The following ATP6V0D1 variants were observed in gnomAD, a reference collection of about 807,000 sequenced individuals.
ATP6V0D1 encodes the protein ATPase H+ transporting V0 subunit d1.
Under a neutral mutation model 39.0 loss-of-function variants are expected in ATP6V0D1, and 13 were observed. The observed-to-expected ratio is 0.33, with a 90% CI of 0.22 to 0.53. The LOEUF (loss-of-function observed/expected upper bound fraction) is 0.53. Ranked by LOEUF, ATP6V0D1 falls within the 20% of genes least tolerant of loss-of-function variation. The pLI is 0.94. For missense variants in ATP6V0D1, 272 were observed against 470.9 expected, an observed-to-expected ratio of 0.58 and a Z score of 3.91; for synonymous variants, 191 against 191.2, an observed-to-expected ratio of 1.00 and a Z score of 0.01.
At chr16:67,452,793 C>T (rs1465310472) in intron 2 of ATP6V0D1, among the ~76,000 whole-genome samples, 7 of 152,228 alleles carry the variant, frequency 4.6e-5, no homozygotes. Flanking sequence ...CCTCCCCGTG[C>T]AGTCCAGGTG....
chr16:67,453,782 TC>T lies in ATP6V0D1; in HGVS notation c.131-68del. 1 of 1,509,102 alleles carries T rather than the reference TC, an allele frequency of 6.6e-7. No homozygotes were observed. The allele number at this position is 1,509,102 out of a possible 1,614,324, so 93.5% of individuals were successfully genotyped here. A position where few individuals can be genotyped will look rare whatever the true frequency, so the allele number is the denominator to read the frequency against. On this transcript the variant is annotated intron_variant, in intron 1 of 7. Coordinates refer to ENST00000290949, the MANE Select transcript of ATP6V0D1 (RefSeq NM_004691.5). The surrounding 1 kb of genome is among the most constrained non-coding windows in gnomAD (Gnocchi z 4.1). ...CCTCCCCAAGGGTCCCAAGTCCCCA[TC>T]CCCACCCCAACTCAGCCCCAGCTCT... is the stretch of plus-strand genomic sequence containing the variant.
At chr16:67,452,194 C>A (rs920839861) in intron 2 of ATP6V0D1, 6 of 1,529,716 alleles carry the variant, frequency 3.9e-6, no homozygotes, top group Non-Finnish European at 4.4e-6. Context: ...ACAAGAGACA[C>A]CCCATTACCA....
chr16:67,454,244 C>A lies in ATP6V0D1; in HGVS notation c.131-529G>T, dbSNP rs570580275. Among the ~76,000 whole-genome samples the A allele has an allele frequency of 2.0e-5, 3 of 152,204 alleles. No homozygotes were observed. The South Asian group carries it at 6.2e-4, about 31-fold the overall frequency. ...AAGGCCACAAAAGGCTGGGCCACAG[C>A]AAAGGGCAGGGGCAAGAAAGTACAA... On this transcript the variant is annotated intron_variant, in intron 1 of 7. Coordinates refer to ENST00000290949, the MANE Select transcript of ATP6V0D1 (RefSeq NM_004691.5).
In ATP6V0D1 at chr16:67,447,572, T is replaced by G. The variant is rs2041131837; in HGVS notation, c.303-2866A>C. ...CCTCCAGGGGAAGACAGCTGGGGAG[T>G]GGAGGGCCGGCTGCCCGCCAGGCCA... On this transcript the variant is annotated intron_variant, in intron 2 of 7. Transcript: ENST00000290949. This position sits in a 1 kb window ranked among gnomAD's most constrained non-coding sequence, Gnocchi z 4.1. Among the ~76,000 whole-genome samples, 1 of 149,498 alleles carries G rather than the reference T, an allele frequency of 6.7e-6. No homozygotes were observed. The highest frequency in any genetic ancestry group is 1.5e-5 in the Non-Finnish European group (1 of 67,308).
Position 67,447,124 on chromosome 16 carries a change from A to C in ATP6V0D1, c.303-2418T>G, listed in dbSNP as rs1471858271. ...CGCCCCCCACTCAGGGCATCTGTTT[A>C]TGTGGGGGAAATGCTGAGCCTAGTA... On this transcript the variant is annotated intron_variant, in intron 2 of 7. Transcript: ENST00000290949. The surrounding 1 kb of genome is among the most constrained non-coding windows in gnomAD (Gnocchi z 4.1). 6.6e-6 allele frequency among the ~76,000 whole-genome samples: 1 copy of C among 152,134 alleles called. No homozygotes were observed. The highest frequency in any genetic ancestry group is 2.4e-5 in the African/African-American group (1 of 41,506).
At chr16:67,439,521 C>T in intron 4 of ATP6V0D1, 170 bp from the exon 5 acceptor site, 1 of 642,328 alleles carries the variant, frequency 1.6e-6, no homozygotes, top group Non-Finnish European at 2.7e-6. Flanking sequence ...TGAAACACTT[C>T]TGTGAATCAG....
At chr16:67,462,553 A>G (rs574372796) in intron 1 of ATP6V0D1, among the ~76,000 whole-genome samples, 2 of 152,246 alleles carry the variant, frequency 1.3e-5, no homozygotes, top group African/African-American at 4.8e-5. Flanking sequence ...GGCTGGGCAC[A>G]GTGGCTCACA....
rs78210216 is a variant in ATP6V0D1 at position 67,444,009 on chromosome 16, A to G, written c.481+519T>C. 5.7e-3 allele frequency among the ~76,000 whole-genome samples: 868 copies of G among 152,332 alleles called. 6 individuals carry two copies. The highest frequency in any genetic ancestry group is 0.019 in the African/African-American group (804 of 41,574). ...ACTGCCTAAGCAGGGCTCTGCAGGA[A>G]GCTCTTGATTCCCCTTCCCTGGCTT... On this transcript the variant is annotated intron_variant, in intron 3 of 7. Coordinates refer to ENST00000290949, the MANE Select transcript of ATP6V0D1 (RefSeq NM_004691.5). This position sits in a 1 kb window ranked among gnomAD's most constrained non-coding sequence, Gnocchi z 4.8.
Position 67,439,156 on chromosome 16 carries a change from C to T in ATP6V0D1, c.640-9G>A, listed in dbSNP as rs985340688. ...CGGCGGTCTGCTTCAAACTGTGGAG[C>T]CAGTGCACAGGTAAGAAGAGAGGGA... On this transcript the variant is annotated splice_polypyrimidine_tract_variant and intron_variant, in intron 5 of 7. Transcript: ENST00000290949. The T allele has an allele frequency of 2.5e-6, 4 of 1,613,744 alleles. No individual in the cohort carries two copies. Among genetic ancestry groups the T allele is most frequent in the Non-Finnish European group, 3.4e-6 (4 of 1,179,698 alleles).
At chr16:67,466,706 G>C (rs2041333725) in intron 1 of ATP6V0D1, among the ~76,000 whole-genome samples, 2 of 152,004 alleles carry the variant, frequency 1.3e-5, no homozygotes, top group African/African-American at 4.8e-5. Flanking sequence ...GCGTCGTGGT[G>C]CATGGTTTGC....
intron 2 of ATP6V0D1, among the ~76,000 whole-genome samples, chr16:67,450,074 G>C (rs75333270): frequency 1.3e-3 from 200 of 152,286 alleles, no homozygotes; most frequent in Non-Finnish European, 2.4e-3. Flanking sequence ...GGGCAGTCAG[G>C]GCACTGTTCC....
chr16:67,443,808 A>G (rs1198338315), intron 3 of ATP6V0D1, among the ~76,000 whole-genome samples: 3 of 152,226 alleles, frequency 2.0e-5, no homozygotes, highest in Non-Finnish European at 4.4e-5. Context: ...GGGAGAGCCT[A>G]CGGCAGACAA....
rs776711444 is a variant in ATP6V0D1 at position 67,444,784 on chromosome 16, C to T, written c.303-78G>A. The T allele has an allele frequency of 2.1e-5, 29 of 1,359,870 alleles. No homozygotes were observed. In the South Asian group the frequency reaches 3.4e-4, roughly 16 times the overall value. The allele number at this position is 1,359,870 out of a possible 1,614,324, so 84.2% of individuals were successfully genotyped here. On this transcript the variant is annotated intron_variant, in intron 2 of 7. Transcript: ENST00000290949. The surrounding 1 kb of genome is among the most constrained non-coding windows in gnomAD (Gnocchi z 4.8). ...CCTGGCATAGCACCATGCCCTCGCCCGCCTGCACAGGCCATCACCCCTTAA... is the reference window on the plus strand; with the variant it reads ...CCTGGCATAGCACCATGCCCTCGCCTGCCTGCACAGGCCATCACCCCTTAA...
chr16:67,439,365 G>A lies in ATP6V0D1; in HGVS notation c.562-14C>T, dbSNP rs1356509301. The A allele has an allele frequency of 1.9e-6, 3 of 1,613,466 alleles. No individual in the cohort carries two copies. Among genetic ancestry groups the A allele is most frequent in the African/African-American group, 2.7e-5 (2 of 74,930 alleles). On this transcript the variant is annotated splice_polypyrimidine_tract_variant and intron_variant, in intron 4 of 7. Coordinates refer to ENST00000290949, the MANE Select transcript of ATP6V0D1 (RefSeq NM_004691.5). ...CTCCAGGTAGGCCTGTAGAGAGTAT[G>A]GAGCTTGCTCAGCACAGGCAAGGAA...
chr16:67,471,472 G>A (rs1190668842), intron 1 of ATP6V0D1, among the ~76,000 whole-genome samples: 5 of 152,128 alleles, frequency 3.3e-5, no homozygotes, highest in African/African-American at 9.6e-5. Flanking sequence ...TTACAGGCAT[G>A]AGCCACCACA....
At chr16:67,458,574 C>G (rs1297825410) in intron 1 of ATP6V0D1, among the ~76,000 whole-genome samples, 1 of 152,218 alleles carries the variant, frequency 6.6e-6, no homozygotes, top group African/African-American at 2.4e-5. Flanking sequence ...GGTCTACCCA[C>G]AAGCCCAGCT....
intron 3 of ATP6V0D1, 132 bp from the exon 4 acceptor site, chr16:67,443,310 T>A: frequency 2.5e-6 from 2 of 790,866 alleles, no homozygotes; most frequent in Non-Finnish European, 4.2e-6. Flanking sequence ...GTCCCCAGCC[T>A]AGGCTGTTGC....
At chr16:67,471,087 G>A (rs566970801) in intron 1 of ATP6V0D1, among the ~76,000 whole-genome samples, 209 of 152,292 alleles carry the variant, frequency 1.4e-3, no homozygotes, top group Admixed American at 2.2e-3. Context: ...TGTAACAATT[G>A]CACATATTTA....
chr16:67,458,097 C>G (rs1472052359), intron 1 of ATP6V0D1, among the ~76,000 whole-genome samples: 1 of 152,194 alleles, frequency 6.6e-6, no homozygotes, highest in Non-Finnish European at 1.5e-5. Context: ...CTCAGCTCAC[C>G]CATGAGGAGA....
Sources: gnomAD v4.1 joint callset for allele counts (sites outside exome capture counted in the v4.1 genomes callset) on GRCh38, gnomAD v4.1.1 for gene constraint, Gnocchi (gnomAD v3.1) non-coding constraint, MANE v1.5 for transcripts, NCBI Gene and HGNC (gene_info 2026-07-23, HGNC 2026-07-21) for gene names.